ANK2: variants seen among roughly 807,000 people sequenced by gnomAD.
ANK2 encodes ankyrin 2, also known as ankyrin-2.
ANK2 carries 83 observed loss-of-function variants against 360.5 expected under a neutral mutation model. That is an observed-to-expected ratio of 0.23 (90% CI 0.19 to 0.28). ANK2 has a LOEUF of 0.28. Among genes scored for constraint, ANK2 ranks in the 10% least tolerant of loss-of-function variants. The pLI is 1.00. For missense variants in ANK2, 4,201 were observed against 4,795.7 expected (o/e 0.88, Z 3.66); for synonymous variants, 1,740 against 1,759.5 (o/e 0.99, Z 0.28).
rs778357984 is a variant in ANK2, at chr4:113,353,669, C to A, written c.5051C>A (p.Pro1684Gln). Residue 1684 changes from proline to glutamine, a missense_variant, in exon 38 of 46, where the codon CCA becomes CAA. Physicochemically the swap from Pro to Gln is moderately conservative, Grantham distance 76. Coordinates refer to ENST00000357077, the MANE Select transcript of ANK2 (RefSeq NM_001148.6). The part of the protein sequence containing the change: ...SSEKEGKDIP[P>Q]DETQSTQKQH... ...GAAAAGGAAGGGAAAGACATACCCC[C>A]AGATGAGACACAGAGTACACAGAAA... is the stretch of plus-strand genomic sequence containing the variant. The A allele has an allele frequency of 3.1e-6, 5 of 1,613,870 alleles. No homozygotes were observed. The South Asian group carries it at 5.5e-5, about 18-fold the overall frequency.
intron 1 of ANK2, among the ~76,000 whole-genome samples, chr4:113,103,208 C>A (rs2093163612): frequency 6.6e-6 from 1 of 152,128 alleles, no homozygotes; most frequent in Admixed American, 6.6e-5. Context: ...TAATCCTTAG[C>A]ATAAAATGAA....
intron 1 of ANK2, among the ~76,000 whole-genome samples, chr4:113,166,797 G>C (rs2097768800): frequency 6.6e-6 from 1 of 151,992 alleles, no homozygotes; most frequent in Admixed American, 6.6e-5. Flanking sequence ...TGAGATCTCT[G>C]AACCAGATCT....
rs143103980 is a variant in ANK2 at position 113,057,425 on chromosome 4, A to G, written c.84+7613A>G. On this transcript the variant is annotated intron_variant, in intron 1 of 45. Transcript: ENST00000357077. Reference sequence around the variant, plus strand: ...CTGGATGCAACAGCCTCAGGCATATAATTCCAAATTACAGTAAAGATTAGG... The same window carrying G: ...CTGGATGCAACAGCCTCAGGCATATGATTCCAAATTACAGTAAAGATTAGG... Among the ~76,000 whole-genome samples the G allele has an allele frequency of 1.7e-3, 266 of 152,280 alleles. 2 individuals are homozygous for G. The highest frequency in any genetic ancestry group is 6.1e-3 in the African/African-American group (254 of 41,572).
At chr4:113,237,301 T>G (rs1371736022) in intron 6 of ANK2, 129 bp downstream of exon 6, 34 of 1,176,088 alleles carry the variant, frequency 2.9e-5, no homozygotes, top group Non-Finnish European at 3.9e-5. Context: ...GATAAATGAC[T>G]TTCAGAGGTA....
rs749782281 is a variant in ANK2 at position 113,341,931 on chromosome 4, A to G, written c.4122+15A>G. The G allele has an allele frequency of 1.3e-6, 2 of 1,542,590 alleles. No individual in the cohort carries two copies. The highest frequency in any genetic ancestry group is 1.4e-5 in the African/African-American group (1 of 73,406). ...GGGATGTGGAGGTACTGTACCAAAAATAATAATAATAATTTATGCCATGTT... is the reference window on the plus strand; with the variant it reads ...GGGATGTGGAGGTACTGTACCAAAAGTAATAATAATAATTTATGCCATGTT... On this transcript the variant is annotated intron_variant, in intron 33 of 45. Transcript: ENST00000357077.
chr4:113,238,772 C>A (rs1184737709), intron 7 of ANK2, among the ~76,000 whole-genome samples: 1 of 152,138 alleles, frequency 6.6e-6, no homozygotes, highest in African/African-American at 2.4e-5. Flanking sequence ...GAAATGTGAA[C>A]TCTGCCTCCT....
At chr4:112,719,674 G>T in the ANK2 span, among the ~76,000 whole-genome samples, 3 of 150,572 alleles carry the variant, frequency 2.0e-5, no homozygotes, top group African/African-American at 7.4e-5. Flanking sequence ...CTTGCTGTGA[G>T]CTGAGATCGC....
chr4:113,282,981 G>A, intron 18 of ANK2, 109 bp downstream of exon 18: 2 of 1,261,778 alleles, frequency 1.6e-6, no homozygotes, highest in Non-Finnish European at 2.3e-6. Flanking sequence ...AAAGAAACAG[G>A]GATATCTTAC....
rs1015604066 is a variant in ANK2 at position 113,139,263 on chromosome 4, A to G, written c.85-35153A>G. On this transcript the variant is annotated intron_variant, in intron 1 of 45. Transcript: ENST00000357077. ...CCAAACTTTGCCCATTAACTGATCT[A>G]TTCTCATGCTATGCATCATTTATTT... Among the ~76,000 whole-genome samples the G allele has an allele frequency of 2.0e-5, 3 of 152,322 alleles. No individual in the cohort carries two copies. In the East Asian group the frequency reaches 5.8e-4, roughly 29 times the overall value.
intron 2 of ANK2, among the ~76,000 whole-genome samples, chr4:113,001,397 A>G (rs6533662): frequency 0.62 from 92,567 of 150,184 alleles, 29,050 homozygotes; most frequent in Non-Finnish European, 0.69. Context: ...CTTTATCATA[A>G]AAAAGTAAAT....
chr4:113,336,195 A>T, intron 30 of ANK2, 138 bp downstream of exon 30: 2 of 934,816 alleles, frequency 2.1e-6, no homozygotes, highest in South Asian at 1.6e-5. Flanking sequence ...GCTAAAGTCA[A>T]AATCCATATT....
chr4:113,157,971 G>T (rs413019), intron 1 of ANK2, among the ~76,000 whole-genome samples: 2 of 152,074 alleles, frequency 1.3e-5, no homozygotes, highest in South Asian at 2.1e-4. Context: ...TGTGGTAAAA[G>T]GTGTGAGAAC....
At chr4:113,095,763 G>A (rs1054200198) in intron 1 of ANK2, among the ~76,000 whole-genome samples, 2 of 152,058 alleles carry the variant, frequency 1.3e-5, no homozygotes, top group Non-Finnish European at 2.9e-5. Flanking sequence ...AAATACATTT[G>A]TACTCTACAT....
intron 1 of ANK2, among the ~76,000 whole-genome samples, chr4:112,882,804 G>A (rs1315588517): frequency 6.6e-6 from 1 of 151,786 alleles, no homozygotes; most frequent in Admixed American, 6.6e-5. Context: ...CTGAGAATAG[G>A]AAGAATATTT....
In ANK2 at chr4:113,018,268, A is replaced by C. The variant is rs1466472103; in HGVS notation, c.21+113754A>C. On this transcript the variant is annotated intron_variant, in intron 2 of 30. Coordinates refer to the ANK2 transcript ENST00000503271. ...GTGGTTGTGACTTGGAGAAAATTTG[A>C]AATTAAGTCTATCATGGAGTAAGGG... is the stretch of plus-strand genomic sequence containing the variant. 2.6e-5 allele frequency among the ~76,000 whole-genome samples: 4 copies of C among 152,316 alleles called. No individual in the cohort carries two copies. In the East Asian group the frequency reaches 7.7e-4, roughly 29 times the overall value.
chr4:113,327,679 A>G (rs763305702), intron 26 of ANK2, among the ~76,000 whole-genome samples: 4 of 152,188 alleles, frequency 2.6e-5, no homozygotes, highest in Non-Finnish European at 5.9e-5. Context: ...GTGTGGACTT[A>G]GTCATTTCTC....
intron 4 of ANK2, among the ~76,000 whole-genome samples, chr4:113,204,853 A>T (rs2098921689): frequency 6.6e-6 from 1 of 152,184 alleles, no homozygotes; most frequent in Non-Finnish European, 1.5e-5. Flanking sequence ...AAAGCGATTC[A>T]GGTGTACTGG....
At chr4:113,015,318 G>A (rs940946410) in intron 2 of ANK2, among the ~76,000 whole-genome samples, 3 of 152,110 alleles carry the variant, frequency 2.0e-5, no homozygotes, top group African/African-American at 4.8e-5. Flanking sequence ...CTTCAAGGTC[G>A]TGATTAAGGA....
chr4:112,963,212 C>A (rs1472260884), intron 2 of ANK2, among the ~76,000 whole-genome samples: 2 of 152,032 alleles, frequency 1.3e-5, no homozygotes, highest in Non-Finnish European at 2.9e-5. Flanking sequence ...CTTTCAAAGC[C>A]AAGTGTGTTT....
Sources: allele counts gnomAD v4.1 joint callset (sites outside exome capture counted in the v4.1 genomes callset), GRCh38; gene constraint gnomAD v4.1.1; transcripts MANE v1.5; gene names NCBI Gene and HGNC (gene_info 2026-07-23, HGNC 2026-07-21).